Variants in FAF1 observed in about 807,000 individuals in gnomAD.
FAF1 encodes FAS-associated factor 1.
In FAF1, 25 loss-of-function variants were observed where a neutral mutation model predicts 92.5. That is an observed-to-expected ratio of 0.27 (90% confidence interval 0.20 to 0.38). The LOEUF is 0.38. Among genes scored for constraint, FAF1 ranks in the 10% least tolerant of loss-of-function variants. FAF1 has a pLI of 1.00. For synonymous variants in FAF1, 234 were observed against 273.2 expected (o/e 0.86, Z 1.42); for missense variants, 636 against 793.3 (o/e 0.80, Z 2.38).
chr1:50,920,317 A>G (rs1644952696), intron 1 of FAF1, among the ~76,000 whole-genome samples: 3 of 151,696 alleles, frequency 2.0e-5, no homozygotes, highest in Admixed American at 2.0e-4. Flanking sequence ...AAAAAAAAAA[A>G]GTAAAGAAAG....
chr1:50,591,106 T>C (rs1446081550), intron 9 of FAF1, among the ~76,000 whole-genome samples: 1 of 152,230 alleles, frequency 6.6e-6, no homozygotes, highest in Admixed American at 6.5e-5. Context: ...ATGTCTTTCA[T>C]TATGTTGAAG....
At chr1:50,802,654 T>A (rs1469652177) in intron 2 of FAF1, among the ~76,000 whole-genome samples, 1 of 152,212 alleles carries the variant, frequency 6.6e-6, no homozygotes, top group African/African-American at 2.4e-5. Flanking sequence ...GTAGACAGCT[T>A]ACTGCAGGGT....
chr1:50,874,680 C>A (rs1179655932), intron 1 of FAF1, among the ~76,000 whole-genome samples: 1 of 151,824 alleles, frequency 6.6e-6, no homozygotes, highest in African/African-American at 2.4e-5. Flanking sequence ...ATATTTCAAA[C>A]CCACTTTCTA....
At chr1:50,910,752 G>A (rs1464182438) in intron 1 of FAF1, among the ~76,000 whole-genome samples, 3 of 151,902 alleles carry the variant, frequency 2.0e-5, no homozygotes, top group Non-Finnish European at 2.9e-5. Context: ...TAGGGTGGGA[G>A]TGTCCCGATT....
At chr1:50,953,842 G>A (rs182204954) in intron 1 of FAF1, among the ~76,000 whole-genome samples, 36 of 152,280 alleles carry the variant, frequency 2.4e-4, no homozygotes, top group African/African-American at 7.9e-4. Flanking sequence ...GCACATTTGT[G>A]TGTTACAGAA....
At chr1:50,545,208 A>C (rs1368940036) in intron 13 of FAF1, among the ~76,000 whole-genome samples, 1 of 152,216 alleles carries the variant, frequency 6.6e-6, no homozygotes, top group African/African-American at 2.4e-5. Context: ...GGAAATAGTA[A>C]TAGCACATAA....
intron 4 of FAF1, among the ~76,000 whole-genome samples, chr1:50,747,284 T>C (rs1022728865): frequency 4.6e-5 from 7 of 152,102 alleles, no homozygotes; most frequent in Admixed American, 3.3e-4. Flanking sequence ...GCTGAACACT[T>C]CCAAGCCACA....
intron 18 of FAF1, among the ~76,000 whole-genome samples, chr1:50,456,078 CAAAA>C (rs200522407): frequency 6.6e-6 from 1 of 150,814 alleles, no homozygotes; most frequent in African/African-American, 2.4e-5. Flanking sequence ...CTGCTTTAAA[CAAAA>C]AAAAATTTTT....
At chr1:50,575,123 T>C (rs1572844213) in intron 12 of FAF1, among the ~76,000 whole-genome samples, 1 of 152,108 alleles carries the variant, frequency 6.6e-6, no homozygotes, top group East Asian at 1.9e-4. Flanking sequence ...TTAGCCAGGA[T>C]GATCTTGATC....
chr1:50,729,345 ACG>A (rs1658823477), intron 6 of FAF1, among the ~76,000 whole-genome samples: 1 of 147,032 alleles, frequency 6.8e-6, no homozygotes, highest in Admixed American at 6.8e-5. Context: ...GTGAGCCACC[ACG>A]CCCGGCCTAT....
At chr1:50,705,478 C>T (rs1345557947) in intron 7 of FAF1, among the ~76,000 whole-genome samples, 1 of 152,172 alleles carries the variant, frequency 6.6e-6, no homozygotes, top group Non-Finnish European at 1.5e-5. Context: ...ATGTTGTCAA[C>T]AATTTCCATA....
At chr1:50,804,680 C>T (rs1041480476) in intron 2 of FAF1, among the ~76,000 whole-genome samples, 3 of 152,104 alleles carry the variant, frequency 2.0e-5, no homozygotes, top group Non-Finnish European at 2.9e-5. Flanking sequence ...AGCATAAAGA[C>T]AGAAACTGTA....
At position 50,761,573 on chromosome 1, in the gene FAF1, A is replaced by G. The variant is rs549992624; in HGVS notation, c.368-16798T>C. ...AAATGTAATCCAGCATATAAACAGA[A>G]CCAAAGACAAAAACCACATGATTAT... On this transcript the variant is annotated intron_variant, in intron 4 of 18. Coordinates refer to ENST00000396153, the MANE Select transcript of FAF1 (RefSeq NM_007051.3). Among the ~76,000 whole-genome samples the G allele has an allele frequency of 3.0e-3, 457 of 152,266 alleles. 4 individuals carry two copies. Among genetic ancestry groups the G allele is most frequent in the African/African-American group, 0.01 (428 of 41,546 alleles).
intron 8 of FAF1, among the ~76,000 whole-genome samples, chr1:50,646,667 C>G (rs1446617665): frequency 6.6e-6 from 1 of 152,114 alleles, no homozygotes; most frequent in Non-Finnish European, 1.5e-5. Flanking sequence ...TTGGTTGTTC[C>G]CTCTTCTATG....
Position 50,885,324 on chromosome 1 carries a change from A to ACACACACACACACACACTCTCT in FAF1, c.46-27328_46-27327insAGAGAGTGTGTGTGTGTGTGTG, listed in dbSNP as rs1644651416. ...CTCTCTCTCTCTCTCACACACACAC[A>ACACACACACACACACACTCTCT]CTCTCTCTCTCTCTCTCTCAATATT... On this transcript the variant is annotated intron_variant, in intron 1 of 18. Transcript: ENST00000396153. Among the ~76,000 whole-genome samples, 18 of 102,274 alleles carry ACACACACACACACACACTCTCT rather than the reference A, an allele frequency of 1.8e-4. 1 individual carries two copies. Among genetic ancestry groups the ACACACACACACACACACTCTCT allele is most frequent in the African/African-American group, 5.6e-4 (16 of 28,324 alleles). 67.1% of individuals were successfully genotyped at this position (102,274 alleles called of 152,430 possible).
chr1:50,606,474 T>C (rs557352954), intron 8 of FAF1, among the ~76,000 whole-genome samples: 1 of 149,628 alleles, frequency 6.7e-6, no homozygotes, highest in East Asian at 2.0e-4. Context: ...AGATATATTG[T>C]AGCTGTGAGA....
chr1:50,698,867 G>A (rs886433297), intron 7 of FAF1, among the ~76,000 whole-genome samples: 7 of 151,898 alleles, frequency 4.6e-5, no homozygotes, highest in African/African-American at 1.7e-4. Context: ...GATTTTTGGG[G>A]TTGCTTGTGC....
At chr1:50,863,713 C>G (rs568467767) in intron 1 of FAF1, among the ~76,000 whole-genome samples, 4 of 151,966 alleles carry the variant, frequency 2.6e-5, no homozygotes, top group African/African-American at 4.8e-5. Flanking sequence ...TGATGCTGGC[C>G]TCATAAAATG....
chr1:50,516,842 C>A (rs1647237352), intron 15 of FAF1, among the ~76,000 whole-genome samples: 1 of 152,184 alleles, frequency 6.6e-6, no homozygotes, highest in Non-Finnish European at 1.5e-5. Flanking sequence ...GAGATTTTCA[C>A]AAACACTTTG....
Sources: gnomAD v4.1 joint callset for allele counts (sites outside exome capture counted in the v4.1 genomes callset) on GRCh38, gnomAD v4.1.1 for gene constraint, MANE v1.5 for transcripts, NCBI Gene and HGNC (gene_info 2026-07-23, HGNC 2026-07-21) for gene names.